Variants in TTLL3 observed in about 807,000 individuals in gnomAD.
TTLL3 encodes the protein tubulin monoglycylase TTLL3.
Under a neutral mutation model 75.2 loss-of-function variants are expected in TTLL3, and 63 were observed. The ratio of observed to expected loss-of-function variants is 0.84; its 90% CI spans 0.68 to 1.03. TTLL3 has a LOEUF of 1.03. Among genes scored for constraint, TTLL3 ranks in the 50% least tolerant of loss-of-function variants. The probability of loss-of-function intolerance (pLI) is 0.00; values close to 1 mark genes in which losing one functional copy is unlikely to be tolerated. For missense variants in TTLL3, 997 were observed against 1,069.9 expected (o/e 0.93, Z 0.95); for synonymous variants, 393 against 418.5 (o/e 0.94, Z 0.74).
chr3:9,834,357 G>A (rs2081888970), intron 12 of TTLL3: 13 of 546,184 alleles, frequency 2.4e-5, no homozygotes, highest in Middle Eastern at 2.8e-4. Context: ...GCCCCATACC[G>A]CTACCTGCCC....
upstream of TTLL3, chr3:9,810,228 G>A (rs2079211787): frequency 6.6e-7 from 1 of 1,507,724 alleles, no homozygotes; most frequent in Non-Finnish European, 8.8e-7. The surrounding 1 kb of genome is among the most constrained non-coding windows in gnomAD (Gnocchi z 4.4). Flanking sequence ...CCCAGTCCGA[G>A]GAGGGTCACG....
rs530400454 is a variant in TTLL3 at position 9,821,636 on chromosome 3, G to A, written c.854+895G>A. Among the ~76,000 whole-genome samples the A allele has an allele frequency of 3.9e-5, 6 of 152,314 alleles. No homozygotes were observed. The South Asian group carries it at 1.0e-3, about 26-fold the overall frequency. On this transcript the variant is annotated intron_variant, in intron 8 of 13. Coordinates refer to ENST00000685419, the MANE Select transcript of TTLL3 (RefSeq NM_001387446.1). ...TTCACTGCATCTTTTCTAAATGCCA[G>A]GACATAACTCAGGTGGCCCGGTACT...
chr3:9,811,742 C>T (rs1204978334), intron 2 of TTLL3, among the ~76,000 whole-genome samples: 1 of 152,216 alleles, frequency 6.6e-6, no homozygotes, highest in African/African-American at 2.4e-5. Flanking sequence ...TCCTCTGGGG[C>T]TTTCCCCATC....
intron 8 of TTLL3, among the ~76,000 whole-genome samples, chr3:9,823,491 T>G (rs1259937672): frequency 5.4e-4 from 2 of 3,676 alleles, no homozygotes; most frequent in Admixed American, 1.1e-3. Flanking sequence ...AAAATACTGT[T>G]TTTTTTTTCT....
chr3:9,815,865 GAAA>G (rs2079804122), intron 4 of TTLL3, among the ~76,000 whole-genome samples: 1 of 152,250 alleles, frequency 6.6e-6, no homozygotes, highest in African/African-American at 2.4e-5. Flanking sequence ...AAAGGAGGCT[GAAA>G]GGCTGGCTTG....
intron 11 of TTLL3, among the ~76,000 whole-genome samples, chr3:9,831,424 C>T (rs957327185): frequency 2.6e-5 from 4 of 152,146 alleles, no homozygotes; most frequent in African/African-American, 4.8e-5. Context: ...GAGGTGATGC[C>T]GCGTACCTCA....
chr3:9,810,642 G>A lies in TTLL3; in HGVS notation c.-20G>A, dbSNP rs1299623569. 2.5e-6 allele frequency: 4 copies of A among 1,575,666 alleles called. No homozygotes were observed. Among genetic ancestry groups the A allele is most frequent in the East Asian group, 2.3e-5 (1 of 43,644 alleles). On this transcript the variant is annotated 5_prime_UTR_variant, in exon 2 of 14. Coordinates refer to ENST00000685419, the MANE Select transcript of TTLL3 (RefSeq NM_001387446.1). The surrounding 1 kb of genome is among the most constrained non-coding windows in gnomAD (Gnocchi z 4.4). The stretch of plus-strand genomic sequence containing the variant: ...GCAGGTTTCCCGGTCCTCTGGCGAG[G>A]ATCCTCCAAGGCGTCTCACATGAAC...
chr3:9,814,776 G>A lies in TTLL3; in HGVS notation c.316-1298G>A, dbSNP rs114260566. ...GTGGAGGTTGTAGTGAGCTGAAATTGCGCCACTGCACTTCAGCCTGGGTGA... is the reference window on the plus strand; with the variant it reads ...GTGGAGGTTGTAGTGAGCTGAAATTACGCCACTGCACTTCAGCCTGGGTGA... On this transcript the variant is annotated intron_variant, in intron 4 of 13. Transcript: ENST00000685419. Among the ~76,000 whole-genome samples, 470 of 151,414 alleles carry A rather than the reference G, an allele frequency of 3.1e-3. 2 individuals carry two copies. Among genetic ancestry groups the A allele is most frequent in the Middle Eastern group, 0.01 (3 of 294 alleles).
intron 8 of TTLL3, among the ~76,000 whole-genome samples, chr3:9,822,899 G>A (rs998175629): frequency 1.3e-5 from 2 of 148,880 alleles, no homozygotes; most frequent in African/African-American, 2.5e-5. Context: ...GTGAGCCACT[G>A]CACTCGGCCT....
At chr3:9,821,961 C>T (rs2080455732) in intron 8 of TTLL3, among the ~76,000 whole-genome samples, 1 of 149,428 alleles carries the variant, frequency 6.7e-6, no homozygotes, top group East Asian at 2.0e-4. Context: ...CGAGATCGCG[C>T]CACTGTACTC....
At chr3:9,820,920 GT>G in intron 8 of TTLL3, 179 bp downstream of exon 8, 1 of 1,071,350 alleles carries the variant, frequency 9.3e-7, no homozygotes, top group South Asian at 1.8e-5. Flanking sequence ...ACTTTTCTTG[GT>G]TCTTGGCATA....
chr3:9,826,945 C>T (rs2124931200), intron 9 of TTLL3, 52 bp from the exon 10 acceptor site: 2 of 1,609,916 alleles, frequency 1.2e-6, no homozygotes, highest in Non-Finnish European at 8.5e-7. Flanking sequence ...GCTGGCCCTT[C>T]TCCTGGCCCA....
At position 9,820,701 on chromosome 3, in the gene TTLL3, G is replaced by T; in HGVS notation, c.814G>T (p.Gly272Cys). The T allele has an allele frequency of 6.2e-7, 1 of 1,614,140 alleles. No individual in the cohort carries two copies. Among genetic ancestry groups the T allele is most frequent in the African/African-American group, 1.3e-5 (1 of 75,032 alleles). Residue 272 changes from glycine to cysteine, a missense_variant, in exon 8 of 14, where the codon GGC becomes TGC. Transcript: ENST00000685419. ...LEAPLYLTPEGWSLFLQRYYQ... is the reference protein window; with the variant it reads ...LEAPLYLTPECWSLFLQRYYQ... ...GGCCCCGCTGTACCTCACCCCCGAG[G>T]GCTGGTCCCTCTTCCTCCAGCGCTA... is the stretch of plus-strand genomic sequence containing the variant.
chr3:9,827,281 T>C, intron 10 of TTLL3, 41 bp downstream of exon 10: 1 of 1,603,406 alleles, frequency 6.2e-7, no homozygotes, highest in South Asian at 1.1e-5. Flanking sequence ...CCCTGCCTAG[T>C]TGGGGAGCTG....
rs1482203168 is a variant in TTLL3 at position 9,827,129 on chromosome 3, A to C, written c.1136A>C (p.Asp379Ala). 1 of 1,614,122 alleles carries C rather than the reference A, an allele frequency of 6.2e-7. No homozygotes were observed. The highest frequency in any genetic ancestry group is 8.5e-7 in the Non-Finnish European group (1 of 1,180,020). The change falls in exon 10 of 14, where the codon GAC becomes GCC. Residue 379 changes from aspartate to alanine, a missense_variant. Coordinates refer to ENST00000685419, the MANE Select transcript of TTLL3 (RefSeq NM_001387446.1). ...RPLLIFGTKF[D>A]LRQWFLVTDW... is the part of the protein sequence containing the mutation. ...CTCCTCATCTTTGGCACCAAGTTTGACCTCAGACAGTGGTTCCTGGTAACT... is the reference window on the plus strand; with the variant it reads ...CTCCTCATCTTTGGCACCAAGTTTGCCCTCAGACAGTGGTTCCTGGTAACT...
chr3:9,820,301 G>A, intron 7 of TTLL3: 1 of 1,346,770 alleles, frequency 7.4e-7, no homozygotes, highest in Non-Finnish European at 9.5e-7. Context: ...GAGGCCTTGG[G>A]GACATTTAGG....
At chr3:9,817,221 G>A (rs1329181783) in intron 5 of TTLL3, among the ~76,000 whole-genome samples, 5 of 152,070 alleles carry the variant, frequency 3.3e-5, no homozygotes, top group African/African-American at 4.8e-5. Context: ...TCAGGAGATC[G>A]AGACCATCCT....
upstream of TTLL3, chr3:9,809,990 A>G (rs11720767): frequency 1.9e-3 from 533 of 280,374 alleles, no homozygotes; most frequent in African/African-American, 0.01. Context: ...TGGGAGGGCG[A>G]GCGCGGCGAG....
At position 9,829,120 on chromosome 3, in the gene TTLL3, G is replaced by C. The variant is rs758674237; in HGVS notation, c.1408G>C (p.Gly470Arg). The change falls in exon 11 of 14, where the codon GGC becomes CGC. Residue 470 changes from glycine (G) to arginine (R), a missense_variant. Coordinates refer to ENST00000685419, the MANE Select transcript of TTLL3 (RefSeq NM_001387446.1). ...PNAWSTIIVP[G>R]MKDAVIHALQ... The stretch of plus-strand genomic sequence containing the variant: ...TGCTTGGTCCACCATCATCGTGCCT[G>C]GCATGAAGGATGCTGTGATCCACGC... 1.2e-6 allele frequency: 2 copies of C among 1,614,214 alleles called. No homozygotes were observed. Among genetic ancestry groups the C allele is most frequent in the South Asian group, 2.2e-5 (2 of 91,088 alleles).
Sources: gnomAD v4.1 joint callset for allele counts (sites outside exome capture counted in the v4.1 genomes callset) on GRCh38, gnomAD v4.1.1 for gene constraint, Gnocchi (gnomAD v3.1) non-coding constraint, MANE v1.5 for transcripts, NCBI Gene and HGNC (gene_info 2026-07-23, HGNC 2026-07-21) for gene names.